LRRC4C: variants seen among roughly 807,000 people sequenced by gnomAD.
LRRC4C encodes the protein leucine-rich repeat-containing protein 4C.
LRRC4C carries 5 observed loss-of-function variants against 33.6 expected under a neutral mutation model. The ratio of observed to expected loss-of-function variants is 0.15; its 90% confidence interval spans 0.08 to 0.31. The LOEUF is 0.31. Among genes scored for constraint, LRRC4C ranks in the 10% least tolerant of loss-of-function variants. The probability of loss-of-function intolerance (pLI) is 1.00; values close to 1 mark genes in which losing one functional copy is unlikely to be tolerated. For missense variants in LRRC4C, 560 were observed against 796.7 expected, an observed-to-expected ratio of 0.70 and a Z score of 3.58; for synonymous variants, 329 against 302.0, an observed-to-expected ratio of 1.09 and a Z score of -0.93.
intron 3 of LRRC4C, among the ~76,000 whole-genome samples, chr11:40,442,947 C>A (rs1290160918): frequency 6.6e-6 from 1 of 152,072 alleles, no homozygotes; most frequent in African/African-American, 2.4e-5. Context: ...GTGTAACTTG[C>A]CCAAAGAGTG....
intron 1 of LRRC4C, among the ~76,000 whole-genome samples, chr11:41,246,605 G>A (rs1948462481): frequency 1.3e-5 from 2 of 152,282 alleles, no homozygotes; most frequent in Admixed American, 6.5e-5. Flanking sequence ...CCCCAGCCAC[G>A]CCTCCCCCAC....
intron 2 of LRRC4C, among the ~76,000 whole-genome samples, chr11:40,716,051 A>AC (rs1946694872): frequency 2.8e-5 from 1 of 35,810 alleles, no homozygotes; most frequent in African/African-American, 1.1e-4. Flanking sequence ...AAAACAAACA[A>AC]AAAAAAAACA....
chr11:41,056,744 T>C (rs1858647650), intron 1 of LRRC4C, among the ~76,000 whole-genome samples: 1 of 152,108 alleles, frequency 6.6e-6, no homozygotes, highest in South Asian at 2.1e-4. Flanking sequence ...GTGGCTAATA[T>C]TAAAAAGTTA....
chr11:40,765,122 A>G (rs953295476), intron 2 of LRRC4C, among the ~76,000 whole-genome samples: 4 of 152,210 alleles, frequency 2.6e-5, no homozygotes, highest in African/African-American at 9.6e-5. Context: ...GCAAAGTGAT[A>G]TGGTTTAGTT....
chr11:40,815,141 C>T (rs937527463), intron 2 of LRRC4C, among the ~76,000 whole-genome samples: 1 of 152,160 alleles, frequency 6.6e-6, no homozygotes, highest in African/African-American at 2.4e-5. Context: ...GTTTAACTGA[C>T]TCACAGTTTC....
At chr11:41,429,395 CTA>C (rs1274502513) in intron 1 of LRRC4C, among the ~76,000 whole-genome samples, 1 of 152,122 alleles carries the variant, frequency 6.6e-6, no homozygotes, top group East Asian at 1.9e-4. Flanking sequence ...GTGGTTTAAA[CTA>C]TGAAAACTTT....
intron 1 of LRRC4C, among the ~76,000 whole-genome samples, chr11:41,329,001 T>G (rs1258022410): frequency 6.6e-6 from 1 of 152,228 alleles, no homozygotes; most frequent in African/African-American, 2.4e-5. Context: ...GCTTTAAATA[T>G]AATGCCCCAT....
chr11:40,616,883 A>T (rs902059224), intron 3 of LRRC4C, among the ~76,000 whole-genome samples: 1 of 149,932 alleles, frequency 6.7e-6, no homozygotes, highest in African/African-American at 2.5e-5. Flanking sequence ...CACATTGTGC[A>T]CATGTACCAT....
At chr11:40,208,752 T>C (rs1395939296) in intron 5 of LRRC4C, among the ~76,000 whole-genome samples, 3 of 152,130 alleles carry the variant, frequency 2.0e-5, no homozygotes, top group African/African-American at 7.2e-5. Flanking sequence ...AAATCAGAAA[T>C]CTTTTGAGAT....
intron 3 of LRRC4C, among the ~76,000 whole-genome samples, chr11:40,523,844 A>G (rs187760990): frequency 6.6e-6 from 1 of 152,232 alleles, no homozygotes; most frequent in East Asian, 1.9e-4. Context: ...CCACATACAC[A>G]TGTGTCTTCA....
chr11:40,229,877 A>G (rs1453694023), intron 5 of LRRC4C, among the ~76,000 whole-genome samples: 1 of 152,204 alleles, frequency 6.6e-6, no homozygotes. Flanking sequence ...GACCAGAAGA[A>G]AATTTTGAGA....
intron 1 of LRRC4C, among the ~76,000 whole-genome samples, chr11:41,184,256 T>G (rs1490335311): frequency 8.4e-6 from 1 of 119,254 alleles, no homozygotes; most frequent in Non-Finnish European, 1.8e-5. Context: ...AGAAAATGCG[T>G]TTTTTTTTTT....
chr11:41,165,137 T>C (rs1436167000), intron 1 of LRRC4C, among the ~76,000 whole-genome samples: 2 of 152,160 alleles, frequency 1.3e-5, no homozygotes, highest in African/African-American at 4.8e-5. Context: ...TCCCAGAGCC[T>C]GGGACCTTCG....
At chr11:41,288,122 T>C (rs1949886607) in intron 1 of LRRC4C, among the ~76,000 whole-genome samples, 2 of 152,158 alleles carry the variant, frequency 1.3e-5, no homozygotes, top group African/African-American at 4.8e-5. Flanking sequence ...TTCATGAAAA[T>C]CATAATCTAT....
chr11:40,893,818 AACACACAC>A (rs55810825), intron 2 of LRRC4C, among the ~76,000 whole-genome samples: 47 of 70,024 alleles, frequency 6.7e-4, no homozygotes, highest in African/African-American at 1.1e-3. Context: ...TACGTATTAT[AACACACAC>A]ACACACACAC....
chr11:40,866,612 G>A (rs944080845), intron 2 of LRRC4C, among the ~76,000 whole-genome samples: 4 of 152,120 alleles, frequency 2.6e-5, no homozygotes, highest in African/African-American at 9.7e-5. Flanking sequence ...GGACTGTCAT[G>A]ATCAAGAGCT....
At chr11:40,153,740 A>T (rs1011631014) in intron 5 of LRRC4C, among the ~76,000 whole-genome samples, 3 of 152,164 alleles carry the variant, frequency 2.0e-5, no homozygotes, top group African/African-American at 7.2e-5. Flanking sequence ...TCCAACAAAG[A>T]TAAAGAAAAA....
chr11:41,258,135 A>G (rs978175438), intron 1 of LRRC4C, among the ~76,000 whole-genome samples: 2 of 152,014 alleles, frequency 1.3e-5, no homozygotes, highest in African/African-American at 4.8e-5. Flanking sequence ...CTGAAATATA[A>G]TATCTGAGTT....
At chr11:40,511,666 C>G (rs541715139) in intron 3 of LRRC4C, among the ~76,000 whole-genome samples, 1 of 152,132 alleles carries the variant, frequency 6.6e-6, no homozygotes, top group Admixed American at 6.6e-5. Flanking sequence ...AGACTCGAAA[C>G]TGAAGCACCA....
Sources: gnomAD v4.1 joint callset for allele counts (sites outside exome capture counted in the v4.1 genomes callset) on GRCh38, gnomAD v4.1.1 for gene constraint, MANE v1.5 for transcripts, NCBI Gene and HGNC (gene_info 2026-07-23, HGNC 2026-07-21) for gene names.